INSYN2A: variants seen among roughly 807,000 people sequenced by gnomAD.
The protein encoded by INSYN2A is inhibitory synaptic factor 2A, also known as family with sequence similarity 196 member A.
In INSYN2A, 17 loss-of-function variants were observed where a neutral mutation model predicts 39.4. That is an observed-to-expected ratio of 0.43 (90% CI 0.30 to 0.65). The LOEUF is 0.65. Among genes scored for constraint, INSYN2A ranks in the 30% least tolerant of loss-of-function variants. The pLI is 0.14. For synonymous variants in INSYN2A, 255 were observed against 265.7 expected (o/e 0.96, Z 0.39); for missense variants, 595 against 631.2 (o/e 0.94, Z 0.61).
intron 2 of INSYN2A, among the ~76,000 whole-genome samples, chr10:127,188,181 C>T (rs577192654): frequency 1.2e-3 from 189 of 152,196 alleles, no homozygotes; most frequent in Non-Finnish European, 2.4e-3. Context: ...CACAGAGTGT[C>T]TGTGCCCTGG....
At chr10:127,159,185 C>T (rs181215403) in intron 4 of INSYN2A, among the ~76,000 whole-genome samples, 14 of 152,286 alleles carry the variant, frequency 9.2e-5, no homozygotes, top group Admixed American at 9.2e-4. Flanking sequence ...TTTGTGGAGT[C>T]CAGTTTTTGA....
chr10:127,187,796 A>G (rs1339204012), intron 2 of INSYN2A, among the ~76,000 whole-genome samples: 1 of 152,132 alleles, frequency 6.6e-6, no homozygotes, highest in Non-Finnish European at 1.5e-5. Context: ...GCAAGCAAGC[A>G]AGCAAAAGCA....
chr10:127,143,186 G>C (rs1227648114), intron 5 of INSYN2A, among the ~76,000 whole-genome samples: 1 of 152,196 alleles, frequency 6.6e-6, no homozygotes, highest in African/African-American at 2.4e-5. Context: ...TTTTAAAGTT[G>C]CCTTCTGCAG....
intron 2 of INSYN2A, among the ~76,000 whole-genome samples, chr10:127,187,481 A>G (rs1445509876): frequency 6.6e-6 from 1 of 152,180 alleles, no homozygotes; most frequent in African/African-American, 2.4e-5. Flanking sequence ...GAAGCTTTGG[A>G]GGAGAGCATA....
chr10:127,176,478 C>T lies in INSYN2A; in HGVS notation c.-5-78G>A. 8.2e-7 allele frequency: 1 copy of T among 1,219,096 alleles called. No individual in the cohort carries two copies. 75.5% of individuals were successfully genotyped at this position (1,219,096 alleles called of 1,614,324 possible). ...AGCACCGGCCGCACAAACTTTTAGC[C>T]ACCACGACGACTGCCTGTTTCCTAA... On this transcript the variant is annotated intron_variant, in intron 3 of 5. Coordinates refer to ENST00000522781, the MANE Select transcript of INSYN2A (RefSeq NM_001039762.3). The surrounding 1 kb of genome is among the most constrained non-coding windows in gnomAD (Gnocchi z 4.4).
intron 2 of INSYN2A, among the ~76,000 whole-genome samples, chr10:127,187,050 G>A (rs2056338281): frequency 6.6e-6 from 1 of 152,178 alleles, no homozygotes; most frequent in Admixed American, 6.5e-5. Flanking sequence ...TGTCCAGAAG[G>A]GAACGTGACA....
chr10:127,181,356 G>T (rs2055718242), intron 2 of INSYN2A, among the ~76,000 whole-genome samples: 1 of 152,178 alleles, frequency 6.6e-6, no homozygotes, highest in Non-Finnish European at 1.5e-5. Flanking sequence ...TCCATTAGCT[G>T]CCAAGAGAAA....
intron 2 of INSYN2A, among the ~76,000 whole-genome samples, chr10:127,177,465 A>C (rs1051863229): frequency 6.6e-6 from 1 of 152,264 alleles, no homozygotes; most frequent in African/African-American, 2.4e-5. Context: ...AATAGAGTTA[A>C]GTGTGTTGTT....
intron 2 of INSYN2A, among the ~76,000 whole-genome samples, chr10:127,187,592 G>T (rs777428537): frequency 2.0e-5 from 3 of 152,208 alleles, no homozygotes; most frequent in Non-Finnish European, 4.4e-5. Flanking sequence ...GAAAATCCAG[G>T]GGGTGGCTGT....
chr10:127,193,175 C>T (rs925032228), intron 1 of INSYN2A, among the ~76,000 whole-genome samples: 6 of 152,134 alleles, frequency 3.9e-5, no homozygotes, highest in African/African-American at 1.4e-4. Context: ...GAATGTAGGT[C>T]TCCAACCAGT....
intron 2 of INSYN2A, among the ~76,000 whole-genome samples, chr10:127,178,808 C>T (rs1009488273): frequency 5.3e-5 from 8 of 152,158 alleles, no homozygotes; most frequent in Admixed American, 3.3e-4. Flanking sequence ...AGGGACAAGG[C>T]GTGCCTGCTC....
intron 1 of INSYN2A, among the ~76,000 whole-genome samples, chr10:127,193,938 A>G (rs956406773): frequency 6.6e-6 from 1 of 152,172 alleles, no homozygotes; most frequent in Non-Finnish European, 1.5e-5. Context: ...TTGTTAGCCT[A>G]TTTCTTAACC....
chr10:127,145,789 C>T (rs2051765215), intron 5 of INSYN2A: 2 of 316,092 alleles, frequency 6.3e-6, no homozygotes, highest in Non-Finnish European at 1.2e-5. Context: ...CATCCTGATA[C>T]CCATTGAGAG....
intron 1 of INSYN2A, among the ~76,000 whole-genome samples, chr10:127,195,745 C>A (rs1209867108): frequency 6.6e-6 from 1 of 152,180 alleles, no homozygotes; most frequent in Admixed American, 6.5e-5. Context: ...AGTTGCCAGA[C>A]GCCCCTCAGC....
intron 2 of INSYN2A, among the ~76,000 whole-genome samples, chr10:127,190,306 C>T (rs909426857): frequency 2.0e-5 from 3 of 152,160 alleles, no homozygotes; most frequent in Non-Finnish European, 4.4e-5. Context: ...GCCCTGGAAG[C>T]CGTCTTCCTC....
At chr10:127,184,995 C>T (rs1025956125) in intron 2 of INSYN2A, among the ~76,000 whole-genome samples, 2 of 152,126 alleles carry the variant, frequency 1.3e-5, no homozygotes, top group Non-Finnish European at 2.9e-5. Flanking sequence ...CACGTTGATG[C>T]CTGACACCAG....
rs140684189 is a variant in INSYN2A at position 127,173,197 on chromosome 10, C to T, written c.1184+2015G>A. ...CATCTACCCATTCAGACACACCTGC[C>T]ACTAGGCTGAACACATTAGAAGGTC... On this transcript the variant is annotated intron_variant, in intron 4 of 5. Coordinates refer to ENST00000522781, the MANE Select transcript of INSYN2A (RefSeq NM_001039762.3). Among the ~76,000 whole-genome samples, 26 of 152,284 alleles carry T rather than the reference C, an allele frequency of 1.7e-4. No homozygotes were observed. In the East Asian group the frequency reaches 3.7e-3, roughly 22 times the overall value.
chr10:127,147,158 G>A (rs575805171), intron 5 of INSYN2A, among the ~76,000 whole-genome samples: 6 of 152,156 alleles, frequency 3.9e-5, no homozygotes, highest in African/African-American at 1.4e-4. Flanking sequence ...GTCATTTGGG[G>A]AAGGAACTTG....
chr10:127,147,642 T>C (rs1039125713), intron 5 of INSYN2A, among the ~76,000 whole-genome samples: 3 of 152,048 alleles, frequency 2.0e-5, no homozygotes, highest in Non-Finnish European at 2.9e-5. Flanking sequence ...AACTTGTCCT[T>C]AGGAGGTCCC....
Sources: allele counts gnomAD v4.1 joint callset (sites outside exome capture counted in the v4.1 genomes callset), GRCh38; gene constraint gnomAD v4.1.1; non-coding constraint Gnocchi (gnomAD v3.1); transcripts MANE v1.5; gene names NCBI Gene and HGNC (gene_info 2026-07-23, HGNC 2026-07-21).